The following MICU1 variants were observed in gnomAD, a reference collection of about 807,000 sequenced individuals.
The protein encoded by MICU1 is calcium uptake protein 1, mitochondrial.
In MICU1, 45 loss-of-function variants were observed where a neutral mutation model predicts 56.8. The observed-to-expected ratio is 0.79, with a 90% CI of 0.62 to 1.02. The LOEUF (loss-of-function observed/expected upper bound fraction) is 1.02. Among genes scored for constraint, MICU1 ranks in the 50% least tolerant of loss-of-function variants. The pLI, the probability that MICU1 is intolerant of heterozygous loss-of-function variation, is 0.00. For synonymous variants in MICU1, 186 were observed against 195.1 expected (o/e 0.95, Z 0.39); for missense variants, 504 against 587.1 (o/e 0.86, Z 1.46).
intron 4 of MICU1, among the ~76,000 whole-genome samples, chr10:72,548,249 A>C (rs757825176): frequency 6.6e-6 from 1 of 152,214 alleles, no homozygotes; most frequent in African/African-American, 2.4e-5. Context: ...CAAGGCATAA[A>C]ATATGTCTCA....
intron 10 of MICU1, among the ~76,000 whole-genome samples, chr10:72,376,977 G>A (rs1164725087): frequency 6.6e-6 from 1 of 152,072 alleles, no homozygotes; most frequent in African/African-American, 2.4e-5. Flanking sequence ...ACGCCTTGGT[G>A]GGTGAATGAC....
At chr10:72,468,280 C>T (rs1175371499) in intron 8 of MICU1, among the ~76,000 whole-genome samples, 4 of 141,944 alleles carry the variant, frequency 2.8e-5, no homozygotes, top group Non-Finnish European at 4.5e-5. Context: ...CTTTCTTCTA[C>T]AAATTAGTTT....
chr10:72,438,930 T>TC (rs1413991483), intron 8 of MICU1, among the ~76,000 whole-genome samples: 1 of 152,054 alleles, frequency 6.6e-6, no homozygotes, highest in Non-Finnish European at 1.5e-5. Context: ...CCAAAAAAAG[T>TC]CCAGGACCAG....
At chr10:72,473,181 C>CTA (rs1408643985) in intron 8 of MICU1, 1 of 151,604 alleles carries the variant, frequency 6.6e-6, no homozygotes, top group African/African-American at 2.4e-5. Context: ...TAAATGTGAG[C>CTA]TATATATATA....
At chr10:72,371,754 A>AAT (rs1554856509) in intron 11 of MICU1, among the ~76,000 whole-genome samples, 5 of 150,112 alleles carry the variant, frequency 3.3e-5, no homozygotes, top group African/African-American at 7.4e-5. Context: ...CAAAGAAAAA[A>AAT]ATATATATAT....
chr10:72,470,254 T>A lies in MICU1; in HGVS notation c.933+4846A>T, dbSNP rs1865910781. 2.0e-5 allele frequency among the ~76,000 whole-genome samples: 3 copies of A among 152,202 alleles called. No homozygotes were observed. In the South Asian group the frequency reaches 6.2e-4, roughly 31 times the overall value. ...CTATACTCTTGCTGCTAGTCACGCT[T>A]CCTCAAAGAAGGACAAATGTAGTTG... On this transcript the variant is annotated intron_variant, in intron 8 of 11. Coordinates refer to ENST00000361114, the MANE Select transcript of MICU1 (RefSeq NM_001195518.2).
intron 8 of MICU1, among the ~76,000 whole-genome samples, chr10:72,450,627 C>T (rs1865265699): frequency 6.6e-6 from 1 of 152,246 alleles, no homozygotes; most frequent in East Asian, 1.9e-4. Flanking sequence ...AAAGTCAGAT[C>T]ATGCTTTGTT....
At chr10:72,451,522 G>A (rs1051171948) in intron 8 of MICU1, among the ~76,000 whole-genome samples, 2 of 152,134 alleles carry the variant, frequency 1.3e-5, no homozygotes, top group Non-Finnish European at 2.9e-5. Flanking sequence ...AGAACTAGAT[G>A]TAACACAGAA....
chr10:72,396,850 G>A (rs1863282303), intron 10 of MICU1, among the ~76,000 whole-genome samples: 1 of 152,168 alleles, frequency 6.6e-6, no homozygotes, highest in Non-Finnish European at 1.5e-5. Context: ...AACAAAGCTG[G>A]AAAACACTCT....
intron 1 of MICU1, among the ~76,000 whole-genome samples, chr10:72,574,675 AT>A (rs2132493449): frequency 6.6e-6 from 1 of 152,278 alleles, no homozygotes; most frequent in South Asian, 2.1e-4. Flanking sequence ...ATCCCCAAAT[AT>A]GTTGAATTTA....
intron 1 of MICU1, among the ~76,000 whole-genome samples, chr10:72,574,919 T>TA (rs200140099): frequency 0.021 from 3,260 of 152,188 alleles, 116 homozygotes; most frequent in African/African-American, 0.075. Flanking sequence ...ACTGGACAAG[T>TA]GCGCTCAAAA....
chr10:72,457,863 G>T lies in MICU1; in HGVS notation c.933+17237C>A, dbSNP rs546707475. ...CTGTTTGACCAACCTTAATAGCAAAGAAATTCCATGAAAAGTATTTCTAGG... is the reference window on the plus strand; with the variant it reads ...CTGTTTGACCAACCTTAATAGCAAATAAATTCCATGAAAAGTATTTCTAGG... On this transcript the variant is annotated intron_variant, in intron 8 of 11. Transcript: ENST00000361114. 7.2e-5 allele frequency among the ~76,000 whole-genome samples: 11 copies of T among 152,182 alleles called. No individual in the cohort carries two copies. The East Asian group carries it at 2.1e-3, about 29-fold the overall frequency.
intron 10 of MICU1, among the ~76,000 whole-genome samples, chr10:72,393,443 G>A (rs1863146007): frequency 6.6e-6 from 1 of 152,220 alleles, no homozygotes; most frequent in African/African-American, 2.4e-5. Context: ...AGCGCTTGAG[G>A]TAGAAACAAC....
intron 1 of MICU1, among the ~76,000 whole-genome samples, chr10:72,578,945 C>A (rs1206280655): frequency 4.6e-5 from 7 of 152,086 alleles, no homozygotes; most frequent in Non-Finnish European, 8.8e-5. Flanking sequence ...TCATAGACTA[C>A]ACTATAGTAT....
intron 6 of MICU1, among the ~76,000 whole-genome samples, chr10:72,507,048 G>A (rs1867276078): frequency 6.6e-6 from 1 of 152,014 alleles, no homozygotes; most frequent in African/African-American, 2.4e-5. Flanking sequence ...AGTCATGGCA[G>A]GACATGTATA....
intron 1 of MICU1, among the ~76,000 whole-genome samples, chr10:72,618,545 A>C (rs974353661): frequency 3.3e-5 from 5 of 152,240 alleles, no homozygotes; most frequent in African/African-American, 1.2e-4. Flanking sequence ...AGACCTGAAA[A>C]AAATAATAAT....
chr10:72,481,032 G>C (rs1391131025), intron 6 of MICU1, among the ~76,000 whole-genome samples: 1 of 152,238 alleles, frequency 6.6e-6, no homozygotes, highest in African/African-American at 2.4e-5. Flanking sequence ...ACACCACAGA[G>C]GCCATGAACC....
chr10:72,624,225 C>A (rs1842176983), intron 1 of MICU1, among the ~76,000 whole-genome samples: 2 of 152,110 alleles, frequency 1.3e-5, no homozygotes, highest in African/African-American at 2.4e-5. Context: ...GACAGGGTAT[C>A]GCTCTGTCGC....
chr10:72,459,309 C>T (rs1041479184), intron 8 of MICU1, among the ~76,000 whole-genome samples: 13 of 152,192 alleles, frequency 8.5e-5, no homozygotes, highest in African/African-American at 2.6e-4. Context: ...CCAGCCTGGG[C>T]GGCAGAGCGA....
Sources: gnomAD v4.1 joint callset for allele counts (sites outside exome capture counted in the v4.1 genomes callset) on GRCh38, gnomAD v4.1.1 for gene constraint, MANE v1.5 for transcripts, NCBI Gene and HGNC (gene_info 2026-07-23, HGNC 2026-07-21) for gene names.